The following TGS1 variants were observed in gnomAD, a reference collection of about 807,000 sequenced individuals.
TGS1 encodes the protein trimethylguanosine synthase.
Under a neutral mutation model 92.2 loss-of-function variants are expected in TGS1, and 69 were observed. The observed-to-expected ratio is 0.75, with a 90% confidence interval of 0.62 to 0.91. The LOEUF (loss-of-function observed/expected upper bound fraction) is 0.91. TGS1 is among the 40% of genes least tolerant of loss of function. The pLI, the probability that TGS1 is intolerant of heterozygous loss-of-function variation, is 0.00. For synonymous variants in TGS1, 345 were observed against 338.1 expected, an observed-to-expected ratio of 1.02 and a Z score of -0.22; for missense variants, 1,062 against 1,001.2, an observed-to-expected ratio of 1.06 and a Z score of -0.82.
In TGS1 at chr8:55,824,744, A is replaced by C; in HGVS notation, c.*41A>C. The C allele has an allele frequency of 6.2e-7, 1 of 1,609,002 alleles. No individual in the cohort carries two copies. The highest frequency in any genetic ancestry group is 8.5e-7 in the Non-Finnish European group (1 of 1,177,026). On this transcript the variant is annotated 3_prime_UTR_variant, in exon 13 of 13. Coordinates refer to ENST00000260129, the MANE Select transcript of TGS1 (RefSeq NM_024831.8). ...AGGACAAAAGATCATGGAGTGGTCAAAATATTCAGATGAGACATTTGGCAT... is the reference window on the plus strand; with the variant it reads ...AGGACAAAAGATCATGGAGTGGTCACAATATTCAGATGAGACATTTGGCAT...
intron 12 of TGS1, among the ~76,000 whole-genome samples, chr8:55,815,916 A>C (rs2130244646): frequency 6.9e-6 from 1 of 145,756 alleles, no homozygotes; most frequent in East Asian, 1.9e-4. Flanking sequence ...CCAAGGACTA[A>C]TTTTTATTTA....
intron 1 of TGS1, among the ~76,000 whole-genome samples, chr8:55,780,482 T>C (rs1811532575): frequency 6.6e-6 from 1 of 152,200 alleles, no homozygotes; most frequent in Admixed American, 6.5e-5. Context: ...CAGGAGGCAC[T>C]TTTTGTAGAC....
intron 12 of TGS1, among the ~76,000 whole-genome samples, chr8:55,817,274 C>CT (rs1001502751): frequency 2.0e-5 from 3 of 152,006 alleles, no homozygotes; most frequent in Non-Finnish European, 4.4e-5. Flanking sequence ...ACTTCTAATA[C>CT]TTTATTTTGG....
Position 55,787,050 on chromosome 8 carries a change from A to G in TGS1, c.1152A>G (p.Pro384=). 6.2e-7 allele frequency: 1 copy of G among 1,608,924 alleles called. No individual in the cohort carries two copies. Among genetic ancestry groups the G allele is most frequent in the Non-Finnish European group, 8.5e-7 (1 of 1,177,564 alleles). ...CATCGGGGAATACAAACACAGACCC[A>G]CCAGCTGAGGGTAAGATTAACCAAG... ...SNSSGNTNTD[P]PAEDSQKSSG... Residue 384 remains proline, a synonymous_variant, in exon 4 of 13, where the codon CCA becomes CCG. Coordinates refer to ENST00000260129, the MANE Select transcript of TGS1 (RefSeq NM_024831.8).
intron 1 of TGS1, among the ~76,000 whole-genome samples, chr8:55,782,212 G>A (rs1368750723): frequency 3.3e-5 from 5 of 150,842 alleles, no homozygotes; most frequent in Non-Finnish European, 7.4e-5. Context: ...ATAGATTTTT[G>A]CTCTTGTCGC....
At position 55,783,917 on chromosome 8, in the gene TGS1, A is replaced by G. The variant is rs180765681; in HGVS notation, c.166+1105A>G. Among the ~76,000 whole-genome samples, 180 of 152,316 alleles carry G rather than the reference A, an allele frequency of 1.2e-3. 2 individuals are homozygous for G. The highest frequency in any genetic ancestry group is 2.2e-3 in the Non-Finnish European group (149 of 68,028). ...ATGCATACAATGAAAGGAACATAAA[A>G]CTTAGCTTACTCATTTTCTCCATTT... On this transcript the variant is annotated intron_variant, in intron 2 of 12. Coordinates refer to ENST00000260129, the MANE Select transcript of TGS1 (RefSeq NM_024831.8).
At position 55,824,725 on chromosome 8, in the gene TGS1, A is replaced by G; in HGVS notation, c.*22A>G. ...CTAACTATGCAGCAGTGCGAGGACA[A>G]AAGATCATGGAGTGGTCAAAATATT... On this transcript the variant is annotated 3_prime_UTR_variant, in exon 13 of 13. Transcript: ENST00000260129. The G allele has an allele frequency of 5.6e-6, 9 of 1,613,732 alleles. No homozygotes were observed. The highest frequency in any genetic ancestry group is 7.6e-6 in the Non-Finnish European group (9 of 1,179,798).
At chr8:55,819,885 A>G (rs1468673827) in intron 12 of TGS1, among the ~76,000 whole-genome samples, 1 of 152,218 alleles carries the variant, frequency 6.6e-6, no homozygotes, top group African/African-American at 2.4e-5. Flanking sequence ...AAGAGGGACA[A>G]AAATAACTAG....
intron 1 of TGS1, among the ~76,000 whole-genome samples, chr8:55,776,816 T>C (rs1307948313): frequency 1.3e-5 from 2 of 152,206 alleles, no homozygotes; most frequent in Admixed American, 1.3e-4. Context: ...GAGACTCTCC[T>C]TAACCAGACT....
Position 55,776,381 on chromosome 8 carries a change from C to T in TGS1, c.101+2662C>T, listed in dbSNP as rs185371676. ...CTGCAAGCTCCACCCCCTGGGTTCA[C>T]GCCATTCTCCTGCCTCAGCCCACCA... is the stretch of plus-strand genomic sequence containing the variant. On this transcript the variant is annotated intron_variant, in intron 1 of 12. Coordinates refer to ENST00000260129, the MANE Select transcript of TGS1 (RefSeq NM_024831.8). Among the ~76,000 whole-genome samples, 23 of 151,134 alleles carry T rather than the reference C, an allele frequency of 1.5e-4. No individual in the cohort carries two copies. In the East Asian group the frequency reaches 4.5e-3, roughly 30 times the overall value.
In TGS1 at chr8:55,773,519, G is replaced by T. The variant is rs1352881297; in HGVS notation, c.-100G>T. ...GCCAGTTTCTATCTCCTCATCCAGGGCTTGCGGGCGAGGCCTGTTTTAAGT... is the reference window on the plus strand; with the variant it reads ...GCCAGTTTCTATCTCCTCATCCAGGTCTTGCGGGCGAGGCCTGTTTTAAGT... On this transcript the variant is annotated 5_prime_UTR_variant, in exon 1 of 13. Transcript: ENST00000260129. 2.4e-6 allele frequency: 2 copies of T among 834,738 alleles called. No homozygotes were observed. Among genetic ancestry groups the T allele is most frequent in the Non-Finnish European group, 3.7e-6 (2 of 539,662 alleles). The allele number at this position is 834,738 out of a possible 1,614,324, so 51.7% of individuals were successfully genotyped here.
At chr8:55,795,317 A>G (rs932941246) in intron 6 of TGS1, among the ~76,000 whole-genome samples, 4 of 152,334 alleles carry the variant, frequency 2.6e-5, no homozygotes, top group African/African-American at 9.6e-5. Context: ...AGTTTATAAT[A>G]TGGCTACAAA....
chr8:55,803,692 C>CTTTTTTTTTTTTTT (rs111520676), intron 9 of TGS1, among the ~76,000 whole-genome samples: 1 of 144,150 alleles, frequency 6.9e-6, no homozygotes, highest in Non-Finnish European at 1.5e-5. Flanking sequence ...TTTTTCTTTT[C>CTTTTTTTTTTTTTT]TTTTTTTTTT....
chr8:55,824,760 C>T lies in TGS1; in HGVS notation c.*57C>T. ...GAGTGGTCAAAATATTCAGATGAGA[C>T]ATTTGGCATGTCTTCCTTTATTCAC... is the stretch of plus-strand genomic sequence containing the variant. On this transcript the variant is annotated 3_prime_UTR_variant, in exon 13 of 13. Coordinates refer to ENST00000260129, the MANE Select transcript of TGS1 (RefSeq NM_024831.8). 1.9e-6 allele frequency: 3 copies of T among 1,591,830 alleles called. No individual in the cohort carries two copies. The highest frequency in any genetic ancestry group is 2.6e-6 in the Non-Finnish European group (3 of 1,165,426).
At chr8:55,779,721 CCT>C (rs1355724238) in intron 1 of TGS1, among the ~76,000 whole-genome samples, 1 of 152,118 alleles carries the variant, frequency 6.6e-6, no homozygotes, top group East Asian at 1.9e-4. Flanking sequence ...TCAACTCACA[CCT>C]CTAGAAAATA....
At chr8:55,775,514 AAG>A (rs2130089890) in intron 1 of TGS1, among the ~76,000 whole-genome samples, 1 of 147,878 alleles carries the variant, frequency 6.8e-6, no homozygotes, top group African/African-American at 2.7e-5. Flanking sequence ...GAAATGGAGA[AAG>A]AAAGAAAGAT....
At chr8:55,801,129 AT>A (rs546519103) in intron 8 of TGS1, among the ~76,000 whole-genome samples, 63 of 152,370 alleles carry the variant, frequency 4.1e-4, no homozygotes, top group Non-Finnish European at 7.5e-4. Context: ...TAGAAAGGAA[AT>A]GTTTAGATTT....
chr8:55,778,109 T>A (rs1000022639), intron 1 of TGS1, among the ~76,000 whole-genome samples: 2 of 151,912 alleles, frequency 1.3e-5, no homozygotes, highest in Non-Finnish European at 2.9e-5. Flanking sequence ...CCATCTCTAC[T>A]AAAAATACAA....
In TGS1 at chr8:55,826,440, A is replaced by G. The variant is rs1285657836; in HGVS notation, c.*1737A>G. Among the ~76,000 whole-genome samples, 2 of 152,196 alleles carry G rather than the reference A, an allele frequency of 1.3e-5. No homozygotes were observed. Among genetic ancestry groups the G allele is most frequent in the Non-Finnish European group, 2.9e-5 (2 of 68,044 alleles). ...AGACTGTTAAGATTGTCAGTACTCA[A>G]TAGGATTTAAGAAGTGTTCTAGTCT... is the stretch of plus-strand genomic sequence containing the variant. On this transcript the variant is annotated 3_prime_UTR_variant, in exon 13 of 13. Coordinates refer to ENST00000260129, the MANE Select transcript of TGS1 (RefSeq NM_024831.8).
Sources: allele counts gnomAD v4.1 joint callset (sites outside exome capture counted in the v4.1 genomes callset), GRCh38; gene constraint gnomAD v4.1.1; transcripts MANE v1.5; gene names NCBI Gene and HGNC (gene_info 2026-07-23, HGNC 2026-07-21).